ANKRD44: variants seen among roughly 807,000 people sequenced by gnomAD.
ANKRD44 encodes ankyrin repeat domain 44, also known as serine/threonine-protein phosphatase 6 regulatory ankyrin repeat subunit B.
A neutral mutation model predicts 116.0 loss-of-function variants in ANKRD44; 35 were observed. The ratio of observed to expected loss-of-function variants is 0.30; its 90% CI spans 0.23 to 0.40. The LOEUF is 0.40. ANKRD44 is among the 10% of genes least tolerant of loss of function. The probability of loss-of-function intolerance (pLI) is 1.00; values close to 1 mark genes in which losing one functional copy is unlikely to be tolerated. For synonymous variants in ANKRD44, 435 were observed against 461.8 expected (o/e 0.94, Z 0.74); for missense variants, 1,014 against 1,242.6 (o/e 0.82, Z 2.77).
At chr2:197,055,775 CT>C (rs1166776992) in intron 16 of ANKRD44, among the ~76,000 whole-genome samples, 1 of 151,854 alleles carries the variant, frequency 6.6e-6, no homozygotes, top group Non-Finnish European at 1.5e-5. Context: ...CTATTCTGTT[CT>C]TTTGATTAGT....
intron 1 of ANKRD44, among the ~76,000 whole-genome samples, chr2:197,305,989 A>ATATATATG (rs1252198579): frequency 6.8e-6 from 1 of 146,216 alleles, no homozygotes; most frequent in Non-Finnish European, 1.5e-5. Context: ...ATATATATAT[A>ATATATATG]TATGAAAAAA....
chr2:197,125,907 C>T lies in ANKRD44; in HGVS notation c.392G>A (p.Ser131Asn). Residue 131 changes from serine to asparagine, a missense_variant, in exon 5 of 28, where the codon AGC (serine) becomes AAC (asparagine). Transcript: ENST00000282272. ...KCAEVIIPLL[S>N]SVNVSDRGGR... ...CCCTCGGTCGGAGACATTGACACTG[C>T]TCAGCAGGGGAATGATCACTTCTGC... is the stretch of plus-strand genomic sequence containing the variant. 1 of 1,614,248 alleles carries T rather than the reference C, an allele frequency of 6.2e-7. No individual in the cohort carries two copies. Among genetic ancestry groups the T allele is most frequent in the Non-Finnish European group, 8.5e-7 (1 of 1,180,054 alleles).
At chr2:197,003,664 G>A (rs2125903874) in intron 21 of ANKRD44, among the ~76,000 whole-genome samples, 1 of 152,222 alleles carries the variant, frequency 6.6e-6, no homozygotes, top group African/African-American at 2.4e-5. Context: ...GAGAGGCTAG[G>A]AACACAGACA....
chr2:197,120,515 G>T (rs1336157512), intron 8 of ANKRD44, among the ~76,000 whole-genome samples: 2 of 152,176 alleles, frequency 1.3e-5, no homozygotes, highest in Non-Finnish European at 2.9e-5. Context: ...GCTGGGCATG[G>T]TGGTGCATGT....
intron 2 of ANKRD44, among the ~76,000 whole-genome samples, chr2:197,167,839 C>T (rs2080133225): frequency 2.0e-5 from 3 of 152,274 alleles, no homozygotes; most frequent in South Asian, 4.1e-4. Flanking sequence ...GCAGATTTTC[C>T]CCTTTACCAT....
chr2:197,207,206 G>A (rs1347574116), intron 1 of ANKRD44, among the ~76,000 whole-genome samples: 2 of 152,160 alleles, frequency 1.3e-5, no homozygotes, highest in Non-Finnish European at 2.9e-5. Flanking sequence ...ATCATGGCAT[G>A]GAGGGAAGGG....
At chr2:197,211,647 A>C (rs2081326830) in intron 1 of ANKRD44, among the ~76,000 whole-genome samples, 1 of 152,032 alleles carries the variant, frequency 6.6e-6, no homozygotes. Flanking sequence ...CCATGAGTAC[A>C]TTTCTCAGGG....
intron 4 of ANKRD44, among the ~76,000 whole-genome samples, chr2:197,133,601 G>C (rs2079141251): frequency 6.6e-6 from 1 of 152,182 alleles, no homozygotes; most frequent in South Asian, 2.1e-4. Context: ...TCAAACACAT[G>C]AACATGTAAT....
intron 4 of ANKRD44, among the ~76,000 whole-genome samples, chr2:197,127,534 T>C (rs2079003534): frequency 6.6e-6 from 1 of 152,142 alleles, no homozygotes; most frequent in Non-Finnish European, 1.5e-5. Context: ...GTATCACATA[T>C]TGGCTAAAAA....
At chr2:197,244,695 T>G (rs191973564) in intron 1 of ANKRD44, among the ~76,000 whole-genome samples, 49 of 152,326 alleles carry the variant, frequency 3.2e-4, no homozygotes, top group Non-Finnish European at 5.9e-5. Context: ...CCCTATCAAA[T>G]CTAACTAATG....
chr2:196,993,920 A>C (rs1241335590), intron 26 of ANKRD44, among the ~76,000 whole-genome samples: 1 of 152,176 alleles, frequency 6.6e-6, no homozygotes, highest in Non-Finnish European at 1.5e-5. Context: ...AAACAATCTC[A>C]ATGACAGTAA....
intron 21 of ANKRD44, among the ~76,000 whole-genome samples, chr2:196,975,581 C>CA (rs2075750896): frequency 6.7e-6 from 1 of 150,008 alleles, no homozygotes; most frequent in Non-Finnish European, 1.5e-5. Flanking sequence ...GCCAGGAGTT[C>CA]AAAACCAGCC....
intron 1 of ANKRD44, among the ~76,000 whole-genome samples, chr2:197,300,691 C>T (rs548418151): frequency 5.9e-5 from 9 of 151,830 alleles, no homozygotes; most frequent in Admixed American, 3.3e-4. Flanking sequence ...GTTGAGCTTG[C>T]CCAGATGTGA....
In ANKRD44 at chr2:197,013,859, C is replaced by T. The variant is rs971760304; in HGVS notation, c.1723-147G>A. ...AAAACACTTGGAATATTTATTAAAA[C>T]TCAGGCAAGCTGGAGAGTTAGACTG... On this transcript the variant is annotated intron_variant, in intron 17 of 27. Transcript: ENST00000282272. The T allele has an allele frequency of 2.3e-5, 17 of 732,012 alleles. No individual in the cohort carries two copies. In the African/African-American group the frequency reaches 2.7e-4, roughly 11 times the overall value. 45.3% of individuals were successfully genotyped at this position (732,012 alleles called of 1,614,324 possible). A position where few individuals can be genotyped will look rare whatever the true frequency, so the allele number is the denominator to read the frequency against.
intron 3 of ANKRD44, among the ~76,000 whole-genome samples, chr2:197,141,009 G>A (rs1326665051): frequency 1.3e-5 from 2 of 152,174 alleles, no homozygotes; most frequent in African/African-American, 4.8e-5. Context: ...CTGAGGTCAG[G>A]AGTTCGAGGC....
intron 14 of ANKRD44, among the ~76,000 whole-genome samples, chr2:197,081,997 T>C (rs575113871): frequency 2.0e-4 from 30 of 152,162 alleles, no homozygotes; most frequent in Non-Finnish European, 2.8e-4. Context: ...CACCCTTCTA[T>C]AAACATCCTA....
intron 16 of ANKRD44, among the ~76,000 whole-genome samples, chr2:197,039,818 A>G (rs1247595296): frequency 6.6e-6 from 1 of 152,076 alleles, no homozygotes; most frequent in African/African-American, 2.4e-5. Flanking sequence ...AGGATGCAAG[A>G]GAGTAAGAAG....
intron 1 of ANKRD44, among the ~76,000 whole-genome samples, chr2:197,222,812 ATTTATTTATTTTTTT>A (rs1292600203): frequency 2.3e-4 from 28 of 122,588 alleles, no homozygotes; most frequent in Admixed American, 2.1e-3. Flanking sequence ...TTTATTTTTT[ATTTATTTATTTTTTT>A]TTTGAGACGG....
intron 1 of ANKRD44, among the ~76,000 whole-genome samples, chr2:197,277,074 C>T: frequency 6.6e-6 from 1 of 151,926 alleles, no homozygotes; most frequent in East Asian, 1.9e-4. Flanking sequence ...ACTACAGGTG[C>T]CTGCCACCAA....
Sources: allele counts gnomAD v4.1 joint callset (sites outside exome capture counted in the v4.1 genomes callset), GRCh38; gene constraint gnomAD v4.1.1; transcripts MANE v1.5; gene names NCBI Gene and HGNC (gene_info 2026-07-23, HGNC 2026-07-21).